The following CHRM3 variants were observed in gnomAD, a reference collection of about 807,000 sequenced individuals.
The protein encoded by CHRM3 is muscarinic acetylcholine receptor M3.
In CHRM3, 11 loss-of-function variants were observed where a neutral mutation model predicts 41.8. The observed-to-expected ratio is 0.26, with a 90% CI of 0.17 to 0.44. The LOEUF is 0.44. CHRM3 is among the 20% of genes least tolerant of loss of function. The pLI is 1.00. For synonymous variants in CHRM3, 297 were observed against 301.4 expected (o/e 0.99, Z 0.15); for missense variants, 571 against 745.4 (o/e 0.77, Z 2.72).
At chr1:239,451,526 T>C (rs955604090) in intron 1 of CHRM3, among the ~76,000 whole-genome samples, 1 of 152,146 alleles carries the variant, frequency 6.6e-6, no homozygotes, top group African/African-American at 2.4e-5. Flanking sequence ...CCCACTGGTG[T>C]ACCGGGGTAA....
chr1:239,562,666 G>A (rs1660978798), intron 3 of CHRM3, among the ~76,000 whole-genome samples: 1 of 152,054 alleles, frequency 6.6e-6, no homozygotes, highest in Non-Finnish European at 1.5e-5. Context: ...AAGGCAGGTA[G>A]ATCATGAGGT....
chr1:239,556,760 A>G (rs1013717410), intron 3 of CHRM3, among the ~76,000 whole-genome samples: 3 of 151,632 alleles, frequency 2.0e-5, no homozygotes, highest in African/African-American at 7.3e-5. Flanking sequence ...AAATGGTAAA[A>G]ATGTATGACA....
At chr1:239,859,059 G>C (rs1675361046) in intron 6 of CHRM3, among the ~76,000 whole-genome samples, 14 of 152,172 alleles carry the variant, frequency 9.2e-5, no homozygotes, top group Admixed American at 9.2e-4. Flanking sequence ...GAACATTTAT[G>C]TACAAGTTTC....
intron 3 of CHRM3, among the ~76,000 whole-genome samples, chr1:239,605,263 T>C (rs1411537602): frequency 6.6e-6 from 1 of 152,210 alleles, no homozygotes; most frequent in Non-Finnish European, 1.5e-5. Context: ...TTCCATAAGA[T>C]TATAACATGG....
intron 1 of CHRM3, among the ~76,000 whole-genome samples, chr1:239,410,675 T>C (rs1421344509): frequency 3.3e-5 from 5 of 152,186 alleles, no homozygotes; most frequent in Non-Finnish European, 7.3e-5. Flanking sequence ...TGGCATGCAG[T>C]GTCCCTTCTA....
chr1:239,784,973 A>C (rs1037065890), intron 5 of CHRM3, among the ~76,000 whole-genome samples: 1 of 152,222 alleles, frequency 6.6e-6, no homozygotes, highest in African/African-American at 2.4e-5. Context: ...AATTAAAAAC[A>C]ATCCACATTT....
chr1:239,811,527 T>G (rs559910344), intron 5 of CHRM3, among the ~76,000 whole-genome samples: 23 of 152,354 alleles, frequency 1.5e-4, no homozygotes, highest in Non-Finnish European at 3.1e-4. Context: ...AACAAAGCTA[T>G]TCACAGACTC....
intron 3 of CHRM3, among the ~76,000 whole-genome samples, chr1:239,615,054 G>A (rs1667482959): frequency 6.6e-6 from 1 of 152,152 alleles, no homozygotes; most frequent in Non-Finnish European, 1.5e-5. Flanking sequence ...TATGGAGCTT[G>A]CAGGTGGGGC....
chr1:239,752,576 A>G (rs1344400965), intron 5 of CHRM3, among the ~76,000 whole-genome samples: 1 of 152,214 alleles, frequency 6.6e-6, no homozygotes, highest in Non-Finnish European at 1.5e-5. Flanking sequence ...TTGAATAAAT[A>G]TCTTCCCCAA....
At chr1:239,734,537 T>C (rs1445799059) in intron 5 of CHRM3, among the ~76,000 whole-genome samples, 1 of 152,112 alleles carries the variant, frequency 6.6e-6, no homozygotes, top group Non-Finnish European at 1.5e-5. Flanking sequence ...GCATTTTTTT[T>C]CTGCTTTTCC....
At chr1:239,804,120 A>G (rs1304094626) in intron 5 of CHRM3, among the ~76,000 whole-genome samples, 1 of 152,200 alleles carries the variant, frequency 6.6e-6, no homozygotes, top group African/African-American at 2.4e-5. Flanking sequence ...CTTAGTGATG[A>G]CAGGTTTATG....
At chr1:239,479,047 G>T (rs1431184554) in intron 1 of CHRM3, among the ~76,000 whole-genome samples, 2 of 152,114 alleles carry the variant, frequency 1.3e-5, no homozygotes, top group South Asian at 2.1e-4. Flanking sequence ...AGCCAGGTGT[G>T]TTGGCTGGCA....
chr1:239,574,548 G>A (rs991206169), intron 3 of CHRM3, among the ~76,000 whole-genome samples: 21 of 152,066 alleles, frequency 1.4e-4, no homozygotes, highest in Admixed American at 1.3e-3. Context: ...TAACAGAGCA[G>A]CCTGTCCTCC....
At chr1:239,692,264 T>C (rs1401979082) in intron 5 of CHRM3, among the ~76,000 whole-genome samples, 5 of 152,168 alleles carry the variant, frequency 3.3e-5, no homozygotes, top group African/African-American at 9.7e-5. Flanking sequence ...GGCTTTTTGA[T>C]GGGGCAGAGT....
intron 5 of CHRM3, among the ~76,000 whole-genome samples, chr1:239,815,448 CT>C (rs1308950822): frequency 2.6e-5 from 4 of 152,164 alleles, no homozygotes; most frequent in Admixed American, 6.5e-5. Context: ...CCCCTCCTGC[CT>C]TTTTCTCTGA....
intron 1 of CHRM3, among the ~76,000 whole-genome samples, chr1:239,412,594 A>C (rs912490502): frequency 6.6e-6 from 1 of 151,598 alleles, no homozygotes; most frequent in Non-Finnish European, 1.5e-5. Flanking sequence ...ATGTGTGCAC[A>C]AATAACTCAG....
chr1:239,547,051 C>A (rs1421675680), intron 3 of CHRM3, among the ~76,000 whole-genome samples: 3 of 152,100 alleles, frequency 2.0e-5, no homozygotes, highest in Non-Finnish European at 4.4e-5. Flanking sequence ...CAGGCTTATG[C>A]AATGAAACTG....
rs758413973 is a variant in CHRM3, at chr1:239,874,285, GTATATATATATATATA to G, written c.-19-33121_-19-33106del. ...AGACCTATATATATCTATATACACA[GTATATATATATATATA>G]TATATATATATATATATATATATAT... On this transcript the variant is annotated intron_variant, in intron 6 of 6. Coordinates refer to ENST00000676153, the MANE Select transcript of CHRM3 (RefSeq NM_001375978.1). 1.3e-3 allele frequency among the ~76,000 whole-genome samples: 107 copies of G among 83,248 alleles called. 4 individuals carry two copies. The highest frequency in any genetic ancestry group is 5.3e-3 in the African/African-American group (87 of 16,430). 54.6% of individuals were successfully genotyped at this position (83,248 alleles called of 152,430 possible). A position where few individuals can be genotyped will look rare whatever the true frequency, so the allele number is the denominator to read the frequency against.
chr1:239,476,234 G>A (rs1666459575), intron 1 of CHRM3, among the ~76,000 whole-genome samples: 1 of 152,166 alleles, frequency 6.6e-6, no homozygotes, highest in Non-Finnish European at 1.5e-5. Flanking sequence ...GGGAGGCCGA[G>A]GCAGGCAGAT....
Sources: gnomAD v4.1 joint callset for allele counts (sites outside exome capture counted in the v4.1 genomes callset) on GRCh38, gnomAD v4.1.1 for gene constraint, MANE v1.5 for transcripts, NCBI Gene and HGNC (gene_info 2026-07-23, HGNC 2026-07-21) for gene names.